The following FREM2 variants were observed in gnomAD, a reference collection of about 807,000 sequenced individuals.
FREM2 encodes the protein FRAS1 related extracellular matrix 2, also known as FRAS1-related extracellular matrix protein 2.
Under a neutral mutation model 219.9 loss-of-function variants are expected in FREM2, and 119 were observed. The ratio of observed to expected loss-of-function variants is 0.54; its 90% CI spans 0.47 to 0.63. The LOEUF (loss-of-function observed/expected upper bound fraction) is 0.63. FREM2 is among the 30% of genes least tolerant of loss of function. The pLI is 0.00. For synonymous variants in FREM2, 1,562 were observed against 1,522.8 expected, an observed-to-expected ratio of 1.03 and a Z score of -0.60; for missense variants, 4,030 against 3,993.6, an observed-to-expected ratio of 1.01 and a Z score of -0.25.
At chr13:38,871,747 A>G (rs1173216466) in intron 16 of FREM2, among the ~76,000 whole-genome samples, 1 of 152,120 alleles carries the variant, frequency 6.6e-6, no homozygotes, top group Non-Finnish European at 1.5e-5. Flanking sequence ...TATGGTGGAG[A>G]GTGAAAATAT....
intron 4 of FREM2, among the ~76,000 whole-genome samples, chr13:38,775,361 G>A (rs1045929345): frequency 6.6e-6 from 1 of 152,228 alleles, no homozygotes; most frequent in African/African-American, 2.4e-5. Flanking sequence ...GCAGGCATGA[G>A]AGAGCTTCAA....
intron 2 of FREM2, among the ~76,000 whole-genome samples, chr13:38,707,529 G>A (rs576730858): frequency 6.6e-5 from 10 of 152,172 alleles, no homozygotes; most frequent in South Asian, 2.1e-4. Flanking sequence ...AGAGAGAAGC[G>A]CCTGTTCTCC....
chr13:38,784,431 G>C (rs1874243249), intron 5 of FREM2, 126 bp from the exon 6 acceptor site: 1 of 961,920 alleles, frequency 1.0e-6, no homozygotes, highest in Non-Finnish European at 1.6e-6. Flanking sequence ...AGTTGCTATT[G>C]CAGTTCTAGG....
rs951536483 is a variant in FREM2, at chr13:38,861,534, G to A, written c.7623G>A (p.Lys2541=). The part of the protein sequence containing the change: ...PEDADYTNLI[K]LTVTMPHIDG... ...ATGCAGACTACACAAACCTTATCAAGCTCACTGTCACAATGCCACACATAG... is the reference window on the plus strand; with the variant it reads ...ATGCAGACTACACAAACCTTATCAAACTCACTGTCACAATGCCACACATAG... The change falls in exon 15 of 24, where the codon AAG becomes AAA. Residue 2541 remains lysine, a synonymous_variant. Coordinates refer to ENST00000280481, the MANE Select transcript of FREM2 (RefSeq NM_207361.6). 6.2e-7 allele frequency: 1 copy of A among 1,611,476 alleles called. No homozygotes were observed. Among genetic ancestry groups the A allele is most frequent in the African/African-American group, 1.3e-5 (1 of 74,858 alleles).
intron 13 of FREM2, 71 bp from the exon 14 acceptor site, chr13:38,859,216 A>G: frequency 6.8e-7 from 1 of 1,476,238 alleles, no homozygotes; most frequent in South Asian, 1.1e-5. Flanking sequence ...ACTCGATGGC[A>G]GAGAACGGGA....
Position 38,836,746 on chromosome 13 carries a change from T to G in FREM2, c.6020-9827T>G, listed in dbSNP as rs1201853213. Among the ~76,000 whole-genome samples, 5 of 152,312 alleles carry G rather than the reference T, an allele frequency of 3.3e-5. No homozygotes were observed. In the East Asian group the frequency reaches 7.7e-4, roughly 23 times the overall value. ...TTTATTTATGTAGAGGTGTTTATAG[T>G]ATTTTCTGATGGTAGTTTGTATTTC... On this transcript the variant is annotated intron_variant, in intron 6 of 23. Coordinates refer to ENST00000280481, the MANE Select transcript of FREM2 (RefSeq NM_207361.6).
At chr13:38,742,000 C>T (rs1240104880) in intron 2 of FREM2, among the ~76,000 whole-genome samples, 2 of 152,028 alleles carry the variant, frequency 1.3e-5, no homozygotes, top group Non-Finnish European at 1.5e-5. Flanking sequence ...GAGTAAACAA[C>T]GGAACATGTG....
intron 2 of FREM2, among the ~76,000 whole-genome samples, chr13:38,719,106 C>T (rs1241725105): frequency 2.0e-5 from 3 of 152,170 alleles, no homozygotes; most frequent in Non-Finnish European, 4.4e-5. Context: ...GGGCTGTGTT[C>T]ATCTGGAAGC....
At chr13:38,711,747 A>T (rs944939833) in intron 2 of FREM2, among the ~76,000 whole-genome samples, 8 of 152,118 alleles carry the variant, frequency 5.3e-5, no homozygotes, top group East Asian at 1.9e-4. Flanking sequence ...TTTTAAAGAA[A>T]TTTTTTCTAT....
chr13:38,704,901 T>A (rs1376628007), intron 2 of FREM2, among the ~76,000 whole-genome samples: 1 of 151,944 alleles, frequency 6.6e-6, no homozygotes, highest in Admixed American at 6.6e-5. Context: ...AACCATCAGA[T>A]CTCATGAGAA....
At position 38,880,326 on chromosome 13, in the gene FREM2, G is replaced by T; in HGVS notation, c.9049G>T (p.Val3017Leu). 4.3e-6 allele frequency: 7 copies of T among 1,614,016 alleles called. No homozygotes were observed. The highest frequency in any genetic ancestry group is 5.9e-6 in the Non-Finnish European group (7 of 1,179,920). The change falls in exon 24 of 24, where the codon GTG (valine) becomes TTG (leucine). Residue 3017 changes from valine (V) to leucine (L), a missense_variant. By Grantham distance (32) the Val-to-Leu change is conservative. This residue lies in a region of FREM2 where 928 missense variants were observed against 1,042.9 expected (regional missense o/e 0.89). Transcript: ENST00000280481. The part of the protein sequence containing the change: ...REWYIHTIYT[V>L]RSKDNANRGI... ...ATGGTATATACATACGATCTATACA[G>T]TGAGATCGAAAGACAATGCCAATCG...
intron 6 of FREM2, among the ~76,000 whole-genome samples, chr13:38,835,610 T>C (rs1876678020): frequency 6.6e-6 from 1 of 152,240 alleles, no homozygotes; most frequent in African/African-American, 2.4e-5. Context: ...TTGTGTCCTC[T>C]CTTAGGTCCT....
At chr13:38,759,073 A>G (rs946502428) in intron 2 of FREM2, among the ~76,000 whole-genome samples, 5 of 152,132 alleles carry the variant, frequency 3.3e-5, no homozygotes, top group African/African-American at 1.2e-4. Context: ...TTTCCCCAAT[A>G]AGGTAGGTAA....
At chr13:38,778,501 T>G (rs1873968255) in intron 4 of FREM2, among the ~76,000 whole-genome samples, 1 of 152,182 alleles carries the variant, frequency 6.6e-6, no homozygotes, top group Non-Finnish European at 1.5e-5. Context: ...TCCCAAAGGC[T>G]GCATCTCCTA....
intron 6 of FREM2, among the ~76,000 whole-genome samples, chr13:38,798,873 T>C (rs1030272325): frequency 3.3e-5 from 5 of 151,992 alleles, no homozygotes; most frequent in Non-Finnish European, 7.4e-5. Context: ...TGTTGGTTAG[T>C]ATATCTAGAG....
intron 2 of FREM2, among the ~76,000 whole-genome samples, chr13:38,724,564 A>G (rs1183494558): frequency 6.6e-6 from 1 of 152,230 alleles, no homozygotes; most frequent in Non-Finnish European, 1.5e-5. Context: ...ATTATCACTC[A>G]TTGATGTCAA....
chr13:38,864,624 CT>C lies in FREM2; in HGVS notation c.7983+19del. ...ATGGACAGGTACAGATTTATAACAT[CT>C]GAGTTTGGTCACTGGATAAACCAAT... On this transcript the variant is annotated intron_variant, in intron 16 of 23. Transcript: ENST00000280481. 1 of 1,606,554 alleles carries C rather than the reference CT, an allele frequency of 6.2e-7. No individual in the cohort carries two copies. Among genetic ancestry groups the C allele is most frequent in the Admixed American group, 1.7e-5 (1 of 59,998 alleles).
chr13:38,780,968 C>T (rs957570026), intron 4 of FREM2, among the ~76,000 whole-genome samples: 3 of 152,202 alleles, frequency 2.0e-5, no homozygotes, highest in Non-Finnish European at 2.9e-5. Flanking sequence ...GTGGCTGATT[C>T]CATTGCTAAA....
At chr13:38,816,734 G>T (rs546004727) in intron 6 of FREM2, among the ~76,000 whole-genome samples, 1 of 152,198 alleles carries the variant, frequency 6.6e-6, no homozygotes, top group East Asian at 1.9e-4. Flanking sequence ...GGAGCAATTA[G>T]GCAAGAGAAA....
Sources: gnomAD v4.1 joint callset for allele counts (sites outside exome capture counted in the v4.1 genomes callset) on GRCh38, gnomAD v4.1.1 for gene constraint, gnomAD v4.1.1 regional missense constraint, MANE v1.5 for transcripts, NCBI Gene and HGNC (gene_info 2026-07-23, HGNC 2026-07-21) for gene names.